Variants in TBC1D22A observed in about 807,000 individuals in gnomAD.
TBC1D22A encodes TBC1 domain family member 22A, also known as putative GTPase activator.
A neutral mutation model predicts 60.2 loss-of-function variants in TBC1D22A; 38 were observed. The ratio of observed to expected loss-of-function variants is 0.63; its 90% CI spans 0.49 to 0.83. TBC1D22A has a LOEUF of 0.83. Among genes scored for constraint, TBC1D22A ranks in the 40% least tolerant of loss-of-function variants. The pLI, the probability that TBC1D22A is intolerant of heterozygous loss-of-function variation, is 0.00. For missense variants in TBC1D22A, 628 were observed against 701.0 expected (o/e 0.90, Z 1.18); for synonymous variants, 302 against 281.7 (o/e 1.07, Z -0.72).
chr22:46,945,657 C>T (rs1162476860), intron 8 of TBC1D22A, among the ~76,000 whole-genome samples: 3 of 152,186 alleles, frequency 2.0e-5, no homozygotes, highest in Admixed American at 6.5e-5. Flanking sequence ...TCCCAGCCTC[C>T]GAGTCCTTCT....
intron 8 of TBC1D22A, among the ~76,000 whole-genome samples, chr22:46,925,798 A>G (rs1265377760): frequency 6.6e-6 from 1 of 152,228 alleles, no homozygotes; most frequent in Non-Finnish European, 1.5e-5. Flanking sequence ...AGAATAAACA[A>G]CACAGAAAAC....
chr22:46,937,998 A>G (rs1272370891), intron 8 of TBC1D22A, among the ~76,000 whole-genome samples: 1 of 152,242 alleles, frequency 6.6e-6, no homozygotes, highest in African/African-American at 2.4e-5. Flanking sequence ...TAAAAAAGGT[A>G]CATTAACTAA....
intron 4 of TBC1D22A, among the ~76,000 whole-genome samples, chr22:46,862,014 C>A (rs1448736408): frequency 1.3e-5 from 2 of 152,220 alleles, no homozygotes; most frequent in East Asian, 3.8e-4. Flanking sequence ...CCTCCCTGGC[C>A]TTGTGGCTTC....
chr22:46,971,972 G>A (rs1442419633), intron 8 of TBC1D22A, among the ~76,000 whole-genome samples: 1 of 152,196 alleles, frequency 6.6e-6, no homozygotes, highest in Non-Finnish European at 1.5e-5. Flanking sequence ...GGAGAGTGCT[G>A]GTGTCATGGG....
At chr22:47,057,142 C>T (rs1283008545) in intron 11 of TBC1D22A, among the ~76,000 whole-genome samples, 3 of 152,198 alleles carry the variant, frequency 2.0e-5, no homozygotes, top group Admixed American at 6.5e-5. Context: ...GTTTTGATGT[C>T]AAGTTTGGTC....
chr22:46,817,040 T>C (rs2085631105), intron 4 of TBC1D22A, among the ~76,000 whole-genome samples: 1 of 152,220 alleles, frequency 6.6e-6, no homozygotes. Flanking sequence ...CTTAGAAAAT[T>C]CTTTCTAAAC....
intron 9 of TBC1D22A, among the ~76,000 whole-genome samples, chr22:46,979,725 GCCTGCTGCCAGC>G (rs1467669194): frequency 2.0e-5 from 3 of 152,186 alleles, no homozygotes; most frequent in Non-Finnish European, 4.4e-5. Flanking sequence ...GCACTGCCCT[GCCTGCTGCCAGC>G]ATGCCCGCAA....
intron 12 of TBC1D22A, among the ~76,000 whole-genome samples, chr22:47,131,612 G>A (rs778619473): frequency 9.9e-5 from 15 of 152,226 alleles, no homozygotes; most frequent in Non-Finnish European, 1.8e-4. Context: ...CTGCCCATGC[G>A]ATGGGACCCT....
At chr22:46,895,276 C>A (rs1451569511) in intron 7 of TBC1D22A, among the ~76,000 whole-genome samples, 1 of 151,988 alleles carries the variant, frequency 6.6e-6, no homozygotes, top group Admixed American at 6.6e-5. Flanking sequence ...TTGTGACTTT[C>A]ATTCATGGGA....
intron 4 of TBC1D22A, among the ~76,000 whole-genome samples, chr22:46,801,921 G>T (rs2084914552): frequency 6.6e-6 from 1 of 152,238 alleles, no homozygotes. Flanking sequence ...CGTACACCTT[G>T]GCAGCACTAA....
chr22:46,866,769 A>T (rs2067075998), intron 4 of TBC1D22A, among the ~76,000 whole-genome samples: 1 of 152,230 alleles, frequency 6.6e-6, no homozygotes, highest in South Asian at 2.1e-4. Flanking sequence ...TCAGGAATTC[A>T]GGATCCTAGG....
intron 7 of TBC1D22A, among the ~76,000 whole-genome samples, chr22:46,898,504 C>G (rs1385477843): frequency 1.4e-5 from 2 of 144,040 alleles, no homozygotes; most frequent in East Asian, 2.0e-4. Context: ...GAAAAACATT[C>G]ATGCCTTTGT....
At chr22:47,019,807 C>A (rs1483154203) in intron 10 of TBC1D22A, among the ~76,000 whole-genome samples, 1 of 151,618 alleles carries the variant, frequency 6.6e-6, no homozygotes, top group Non-Finnish European at 1.5e-5. Flanking sequence ...CCTTAACCCT[C>A]CATCCTTCGC....
chr22:47,166,878 G>A (rs1569480760), intron 12 of TBC1D22A, among the ~76,000 whole-genome samples: 1 of 152,254 alleles, frequency 6.6e-6, no homozygotes, highest in Non-Finnish European at 1.5e-5. Flanking sequence ...TCTAGCTGCA[G>A]TGTGGGGGAT....
At chr22:46,974,447 G>C in intron 9 of TBC1D22A, 48 bp downstream of exon 9, 1 of 1,502,576 alleles carries the variant, frequency 6.7e-7, no homozygotes. Context: ...CAGCCCCTGC[G>C]GTGAAGAGAG....
At chr22:46,864,062 G>A (rs767204367) in intron 4 of TBC1D22A, among the ~76,000 whole-genome samples, 2 of 152,178 alleles carry the variant, frequency 1.3e-5, no homozygotes, top group Non-Finnish European at 2.9e-5. Context: ...CATTTGTCCA[G>A]CACCTTTCCT....
At position 47,158,163 on chromosome 22, in the gene TBC1D22A, C is replaced by G. The variant is rs557052799; in HGVS notation, c.1426-15335C>G. On this transcript the variant is annotated intron_variant, in intron 12 of 12. Transcript: ENST00000337137. Reference sequence around the variant, plus strand: ...CTCGTGTGGGTTCTGCACCCAGCCCCTCCCTGACCTGGGGTCCAGTATGGC... The same window carrying G: ...CTCGTGTGGGTTCTGCACCCAGCCCGTCCCTGACCTGGGGTCCAGTATGGC... 2.0e-5 allele frequency among the ~76,000 whole-genome samples: 3 copies of G among 152,352 alleles called. No individual in the cohort carries two copies. The East Asian group carries it at 5.8e-4, about 29-fold the overall frequency.
intron 5 of TBC1D22A, among the ~76,000 whole-genome samples, chr22:46,882,407 G>A (rs1013296795): frequency 6.6e-6 from 1 of 152,168 alleles, no homozygotes; most frequent in East Asian, 1.9e-4. Flanking sequence ...GTTCTCACGT[G>A]TGCCCAGGGC....
rs148590805 is a variant in TBC1D22A at position 47,024,393 on chromosome 22, G to A, written c.1202-12678G>A. Among the ~76,000 whole-genome samples, 19 of 152,290 alleles carry A rather than the reference G, an allele frequency of 1.2e-4. No individual in the cohort carries two copies. In the East Asian group the frequency reaches 3.5e-3, roughly 28 times the overall value. ...ATCAGTAGGTGTGTTCAATGCAAAT[G>A]ATCTAGACACTTTAATTAAAAGGCA... On this transcript the variant is annotated intron_variant, in intron 10 of 12. Coordinates refer to ENST00000337137, the MANE Select transcript of TBC1D22A (RefSeq NM_014346.5).
Sources: allele counts gnomAD v4.1 joint callset (sites outside exome capture counted in the v4.1 genomes callset), GRCh38; gene constraint gnomAD v4.1.1; transcripts MANE v1.5; gene names NCBI Gene and HGNC (gene_info 2026-07-23, HGNC 2026-07-21).